Variants in RANBP2 observed in about 807,000 individuals in gnomAD.
RANBP2 encodes the protein RAN binding protein 2.
In RANBP2, 57 loss-of-function variants were observed where a neutral mutation model predicts 303.6. The observed-to-expected ratio is 0.19, with a 90% confidence interval of 0.15 to 0.23. The LOEUF is 0.23. RANBP2 is among the 10% of genes least tolerant of loss of function. The pLI is 1.00. For missense variants in RANBP2, 3,138 were observed against 3,780.8 expected, an observed-to-expected ratio of 0.83 and a Z score of 4.46; for synonymous variants, 1,167 against 1,301.5, an observed-to-expected ratio of 0.90 and a Z score of 2.23.
chr2:109,358,122 C>A, the RANBP2 span, among the ~76,000 whole-genome samples: 1 of 152,218 alleles, frequency 6.6e-6, no homozygotes, highest in African/African-American at 2.4e-5. Flanking sequence ...TTTCCCAGAA[C>A]GTCATACGGT....
rs370285906 is a variant in RANBP2 at position 108,763,915 on chromosome 2, C to T, written c.3376C>T (p.Arg1126Trp). ...GAGTCAGCAAAAGAATTCTGGTTTTCGGCGAAGTGATGATATGTTTACTTT... is the reference window on the plus strand; with the variant it reads ...GAGTCAGCAAAAGAATTCTGGTTTTTGGCGAAGTGATGATATGTTTACTTT... Reference protein sequence around the residue: ...GSSQQKNSGFRRSDDMFTFHG... With the variant: ...GSSQQKNSGFWRSDDMFTFHG... The change falls in exon 20 of 29, where the codon CGG (arginine) becomes TGG (tryptophan). Residue 1126 changes from arginine (R) to tryptophan (W), a missense_variant. Coordinates refer to ENST00000283195, the MANE Select transcript of RANBP2 (RefSeq NM_006267.5). The T allele has an allele frequency of 9.7e-5, 157 of 1,613,682 alleles. No homozygotes were observed. The highest frequency in any genetic ancestry group is 6.1e-4 in the South Asian group (56 of 91,082).
At chr2:109,334,381 TAAAAAA>T in the RANBP2 span, among the ~76,000 whole-genome samples, 1 of 144,144 alleles carries the variant, frequency 6.9e-6, no homozygotes, top group African/African-American at 2.6e-5. Context: ...AAAAAAATCT[TAAAAAA>T]AAATAAAGAC....
chr2:109,514,202 G>A, the RANBP2 span, among the ~76,000 whole-genome samples: 25 of 152,274 alleles, frequency 1.6e-4, no homozygotes, highest in South Asian at 8.3e-4. Context: ...CTTATGTAAC[G>A]CCCTGGAAAC....
At chr2:109,505,296 A>G in the RANBP2 span, among the ~76,000 whole-genome samples, 23 of 152,314 alleles carry the variant, frequency 1.5e-4, no homozygotes, top group African/African-American at 5.5e-4. Flanking sequence ...ACAGGCTTTC[A>G]CTGTTCTCTT....
the RANBP2 span, among the ~76,000 whole-genome samples, chr2:109,248,060 G>A: frequency 1.3e-5 from 2 of 152,170 alleles, no homozygotes; most frequent in Non-Finnish European, 2.9e-5. Context: ...CCAAGGGCCT[G>A]GATCCAGGGA....
At chr2:109,484,360 C>A in the RANBP2 span, among the ~76,000 whole-genome samples, 2 of 152,170 alleles carry the variant, frequency 1.3e-5, no homozygotes, top group Admixed American at 6.5e-5. Context: ...AGCCACCCTG[C>A]CTGGTCATCC....
chr2:109,685,705 G>T, the RANBP2 span, among the ~76,000 whole-genome samples: 2 of 152,244 alleles, frequency 1.3e-5, no homozygotes, highest in Non-Finnish European at 1.5e-5. Flanking sequence ...GGGGTTGCTG[G>T]TTTGCTGTGG....
chr2:109,330,991 G>T, the RANBP2 span, among the ~76,000 whole-genome samples: 4 of 152,298 alleles, frequency 2.6e-5, no homozygotes, highest in South Asian at 8.3e-4. Flanking sequence ...TTAGTTCATG[G>T]TCTAAGTCCA....
chr2:108,726,011 G>A (rs1342516664), intron 1 of RANBP2, among the ~76,000 whole-genome samples: 2 of 151,998 alleles, frequency 1.3e-5, no homozygotes, highest in Non-Finnish European at 2.9e-5. Flanking sequence ...TTTTCTGATT[G>A]TTCGTTGCTG....
At chr2:108,821,742 C>G in the RANBP2 span, among the ~76,000 whole-genome samples, 1 of 151,504 alleles carries the variant, frequency 6.6e-6, no homozygotes, top group Non-Finnish European at 1.5e-5. Context: ...GTCAGAAGTT[C>G]AAGACCAGCC....
chr2:108,802,961 T>C, the RANBP2 span, among the ~76,000 whole-genome samples: 1 of 152,226 alleles, frequency 6.6e-6, no homozygotes, highest in Non-Finnish European at 1.5e-5. Context: ...GAACCAGCCT[T>C]GCATCCCAGG....
chr2:109,378,845 C>T, the RANBP2 span, among the ~76,000 whole-genome samples: 1 of 152,162 alleles, frequency 6.6e-6, no homozygotes, highest in Non-Finnish European at 1.5e-5. Flanking sequence ...TCCTTGTGGG[C>T]AGTTCTTTCC....
At chr2:109,602,901 CAAAAA>C in the RANBP2 span, among the ~76,000 whole-genome samples, 2 of 110,396 alleles carry the variant, frequency 1.8e-5, no homozygotes, top group Non-Finnish European at 1.9e-5. Context: ...GACCCTGTCT[CAAAAA>C]AAAAAAAAAA....
At chr2:109,704,522 A>G in the RANBP2 span, among the ~76,000 whole-genome samples, 1 of 151,414 alleles carries the variant, frequency 6.6e-6, no homozygotes, top group Admixed American at 6.6e-5. Context: ...ACAGAGAGAG[A>G]CCCTGTCTCA....
chr2:109,075,096 C>T, the RANBP2 span, among the ~76,000 whole-genome samples: 2 of 145,740 alleles, frequency 1.4e-5, no homozygotes, highest in African/African-American at 5.0e-5. Flanking sequence ...TAATGTCGTA[C>T]CTTAAGGAAC....
At chr2:109,249,905 C>T in the RANBP2 span, among the ~76,000 whole-genome samples, 22 of 151,056 alleles carry the variant, frequency 1.5e-4, no homozygotes, top group African/African-American at 1.2e-4. Flanking sequence ...AGGATGGTCT[C>T]GATCTCCTGA....
the RANBP2 span, among the ~76,000 whole-genome samples, chr2:109,460,845 T>C: frequency 6.6e-6 from 1 of 152,208 alleles, no homozygotes; most frequent in African/African-American, 2.4e-5. Context: ...CACAACCAGG[T>C]GCATTCCTCA....
chr2:109,054,824 CT>C, the RANBP2 span, among the ~76,000 whole-genome samples: 6 of 152,198 alleles, frequency 3.9e-5, no homozygotes, highest in Non-Finnish European at 2.9e-5. Flanking sequence ...CTTCCCTGCC[CT>C]GGCCCCCTCT....
At chr2:109,164,792 G>A in the RANBP2 span, among the ~76,000 whole-genome samples, 1 of 152,134 alleles carries the variant, frequency 6.6e-6, no homozygotes, top group East Asian at 1.9e-4. Context: ...GGCAAAAACT[G>A]CCACTGGCAC....
Sources: allele counts gnomAD v4.1 joint callset (sites outside exome capture counted in the v4.1 genomes callset), GRCh38; gene constraint gnomAD v4.1.1; transcripts MANE v1.5; gene names NCBI Gene and HGNC (gene_info 2026-07-23, HGNC 2026-07-21).